The following EZH2 variants were observed in gnomAD, a reference collection of about 807,000 sequenced individuals.
EZH2 encodes the protein enhancer of zeste 2 polycomb repressive complex 2 subunit.
EZH2 carries 18 observed loss-of-function variants against 98.4 expected under a neutral mutation model. That is an observed-to-expected ratio of 0.18 (90% CI 0.13 to 0.27). The LOEUF is 0.27. EZH2 is among the 10% of genes least tolerant of loss of function. The pLI is 1.00. For synonymous variants in EZH2, 338 were observed against 312.3 expected (o/e 1.08, Z -0.87); for missense variants, 470 against 935.1 (o/e 0.50, Z 6.49).
At chr7:148,827,076 C>T in intron 7 of EZH2, 88 bp downstream of exon 7, 1 of 967,402 alleles carries the variant, frequency 1.0e-6, no homozygotes, top group Admixed American at 2.3e-5. Context: ...AGTGGCTCAT[C>T]CGCTACATTG....
intron 1 of EZH2, among the ~76,000 whole-genome samples, chr7:148,880,747 T>C (rs1385044743): frequency 6.6e-6 from 1 of 152,254 alleles, no homozygotes; most frequent in Non-Finnish European, 1.5e-5. Context: ...ATTATTTCCC[T>C]ACATTTTTCA....
chr7:148,882,430 AAG>A (rs1263446643), intron 1 of EZH2, among the ~76,000 whole-genome samples: 2 of 151,814 alleles, frequency 1.3e-5, no homozygotes, highest in Non-Finnish European at 2.9e-5. Flanking sequence ...CACCTCCGAA[AAG>A]AGAGAACAAG....
chr7:148,834,499 G>T (rs1810360060), intron 3 of EZH2, among the ~76,000 whole-genome samples: 4 of 152,142 alleles, frequency 2.6e-5, no homozygotes. Context: ...GCATTGGGTT[G>T]CATCAGGCCA....
intron 3 of EZH2, chr7:148,837,114 A>T: frequency 5.3e-6 from 2 of 379,886 alleles, no homozygotes; most frequent in East Asian, 1.1e-4. Flanking sequence ...GGTAGGTATG[A>T]CTCCCCATTT....
At chr7:148,814,818 G>T in intron 14 of EZH2, 96 bp downstream of exon 14, 1 of 1,418,344 alleles carries the variant, frequency 7.1e-7, no homozygotes, top group Non-Finnish European at 9.5e-7. Context: ...AAGTAAACAA[G>T]GGAGTGCTCC....
chr7:148,809,262 T>A (rs754625539), intron 18 of EZH2, 48 bp downstream of exon 18: 1 of 1,582,902 alleles, frequency 6.3e-7, no homozygotes, highest in Non-Finnish European at 8.7e-7. Flanking sequence ...AAGTCCATCA[T>A]CACAGGACTG....
At chr7:148,826,379 T>C in intron 8 of EZH2, 75 bp downstream of exon 8, 1 of 1,113,758 alleles carries the variant, frequency 9.0e-7, no homozygotes, top group African/African-American at 1.6e-5. Flanking sequence ...TAAATTCTAG[T>C]TGTAATAAAT....
chr7:148,846,728 A>G (rs1814150878), intron 2 of EZH2, 130 bp from the exon 3 acceptor site: 2 of 769,354 alleles, frequency 2.6e-6, no homozygotes. Flanking sequence ...AGGTGCATAT[A>G]GATTTTACAC....
rs191454968 is a variant in EZH2 at position 148,833,834 on chromosome 7, G to A, written c.247-1084C>T. Among the ~76,000 whole-genome samples, 795 of 152,228 alleles carry A rather than the reference G, an allele frequency of 5.2e-3. 11 individuals are homozygous for A. Among genetic ancestry groups the A allele is most frequent in the African/African-American group, 0.018 (748 of 41,534 alleles). On this transcript the variant is annotated intron_variant, in intron 3 of 19. Transcript: ENST00000320356. ...GGATAAGTAGCTTGCCCAAAGTTGC[G>A]CATGGTTCTCGGGCTAGAATGTAAA...
At chr7:148,872,260 T>C (rs1290289229) in intron 1 of EZH2, among the ~76,000 whole-genome samples, 2 of 152,202 alleles carry the variant, frequency 1.3e-5, no homozygotes, top group Non-Finnish European at 2.9e-5. Flanking sequence ...TTTAATCCCA[T>C]GCATGTAAGT....
intron 1 of EZH2, among the ~76,000 whole-genome samples, chr7:148,863,084 A>C (rs1220988273): frequency 1.5e-4 from 1 of 6,484 alleles, no homozygotes; most frequent in Non-Finnish European, 6.5e-4. Context: ...ACCCTGTCTC[A>C]AAAAAAAAAA....
chr7:148,841,363 C>A (rs972100094), intron 3 of EZH2, among the ~76,000 whole-genome samples: 1 of 152,080 alleles, frequency 6.6e-6, no homozygotes, highest in Non-Finnish European at 1.5e-5. Context: ...GAATGACTGA[C>A]AGTTAACCTA....
rs1440022701 is a variant in EZH2 at position 148,813,995 on chromosome 7, G to A, written c.1815C>T (p.Ser605=). ...AADHWDSKNV[S]CKNCSIQRGS... Reference sequence around the variant, plus strand: ...CCCGCTGAATACTGCAGTTCTTGCAGGACACATTTTTACTGTCCCAATGGT... The same window carrying A: ...CCCGCTGAATACTGCAGTTCTTGCAAGACACATTTTTACTGTCCCAATGGT... The change falls in exon 15 of 20, where the codon TCC becomes TCT. Residue 605 remains serine (S), a synonymous_variant. Transcript: ENST00000320356. 1 of 1,613,986 alleles carries A rather than the reference G, an allele frequency of 6.2e-7. No homozygotes were observed. Among genetic ancestry groups the A allele is most frequent in the East Asian group, 2.2e-5 (1 of 44,894 alleles).
chr7:148,875,040 G>C (rs765019167), intron 1 of EZH2, among the ~76,000 whole-genome samples: 4 of 151,862 alleles, frequency 2.6e-5, no homozygotes, highest in Non-Finnish European at 5.9e-5. Flanking sequence ...AAAAATTTAA[G>C]GCTTAACTCA....
At chr7:148,808,108 A>G (rs1193393182) in intron 19 of EZH2, among the ~76,000 whole-genome samples, 2 of 152,208 alleles carry the variant, frequency 1.3e-5, no homozygotes, top group Non-Finnish European at 2.9e-5. Flanking sequence ...AAAGAGGGCC[A>G]AAGAGCAGCC....
At chr7:148,824,314 C>CAA (rs35218853) in intron 8 of EZH2, among the ~76,000 whole-genome samples, 4 of 132,324 alleles carry the variant, frequency 3.0e-5, no homozygotes, top group Non-Finnish European at 6.6e-5. Context: ...GACTTCGTCT[C>CAA]AAAAAAAAAA....
chr7:148,879,483 G>T (rs934930034), intron 1 of EZH2, among the ~76,000 whole-genome samples: 24 of 151,796 alleles, frequency 1.6e-4, no homozygotes, highest in African/African-American at 5.8e-4. Context: ...CTGAGGTCGG[G>T]AGTTCGAGAC....
rs137964116 is a variant in EZH2 at position 148,869,917 on chromosome 7, T to C, written c.-8+14247A>G. 3.0e-4 allele frequency among the ~76,000 whole-genome samples: 45 copies of C among 152,310 alleles called. 1 individual carries two copies. The East Asian group carries it at 8.1e-3, about 27-fold the overall frequency. ...ACAACATCAAGCTACTGGTGGGATG[T>C]AGCCCTCCAAAATATCTTCTTGGTC... On this transcript the variant is annotated intron_variant, in intron 1 of 19. Transcript: ENST00000320356.
intron 1 of EZH2, among the ~76,000 whole-genome samples, chr7:148,864,517 T>C (rs1281426454): frequency 6.6e-6 from 1 of 151,840 alleles, no homozygotes; most frequent in African/African-American, 2.4e-5. Context: ...ACCCTGTCTC[T>C]ACTAAAAATA....
Sources: allele counts gnomAD v4.1 joint callset (sites outside exome capture counted in the v4.1 genomes callset), GRCh38; gene constraint gnomAD v4.1.1; transcripts MANE v1.5; gene names NCBI Gene and HGNC (gene_info 2026-07-23, HGNC 2026-07-21).